JADE2: variants seen among roughly 807,000 people sequenced by gnomAD.
JADE2 encodes the protein E3 ubiquitin-protein ligase Jade-2.
JADE2 carries 13 observed loss-of-function variants against 85.7 expected under a neutral mutation model. The ratio of observed to expected loss-of-function variants is 0.15; its 90% CI spans 0.10 to 0.24. JADE2 has a LOEUF of 0.24. Among genes scored for constraint, JADE2 ranks in the 10% least tolerant of loss-of-function variants. JADE2 has a pLI of 1.00. For synonymous variants in JADE2, 440 were observed against 456.1 expected (o/e 0.96, Z 0.45); for missense variants, 846 against 1,115.9 (o/e 0.76, Z 3.45).
intron 1 of JADE2, chr5:134,526,801 C>A (rs1180084634): frequency 2.1e-6 from 2 of 974,898 alleles, no homozygotes; most frequent in East Asian, 1.1e-4. Flanking sequence ...GGGGTGAGGA[C>A]TGGGGTCGGG....
intron 4 of JADE2, among the ~76,000 whole-genome samples, chr5:134,557,402 TAA>T (rs57749050): frequency 0.14 from 19,623 of 141,154 alleles, 1,696 homozygotes; most frequent in African/African-American, 0.21. Context: ...AATTATACTC[TAA>T]GTTTTAGGGT....
chr5:134,536,641 G>A (rs1040759860), intron 2 of JADE2: 4 of 152,246 alleles, frequency 2.6e-5, no homozygotes, highest in African/African-American at 7.2e-5. Context: ...GCTCTTCTCG[G>A]GTGCCCAGAA....
At chr5:134,575,851 C>T (rs1185632005) in intron 10 of JADE2, 2 of 152,030 alleles carry the variant, frequency 1.3e-5, no homozygotes, top group African/African-American at 4.8e-5. Context: ...TATGATTACA[C>T]CACTGTACTC....
At chr5:134,553,456 C>T (rs184943839) in intron 4 of JADE2, among the ~76,000 whole-genome samples, 1 of 151,402 alleles carries the variant, frequency 6.6e-6, no homozygotes, top group South Asian at 2.1e-4. Context: ...CGGGTTCATG[C>T]GATTCTCCTG....
chr5:134,533,729 A>ACT (rs1581394356), intron 1 of JADE2: 3 of 146,220 alleles, frequency 2.1e-5, no homozygotes, highest in African/African-American at 6.1e-5. Flanking sequence ...CCTTTGTCAC[A>ACT]CTCTCTCTTT....
chr5:134,556,848 A>G (rs914925465), intron 4 of JADE2, among the ~76,000 whole-genome samples: 3 of 146,098 alleles, frequency 2.1e-5, no homozygotes, highest in Non-Finnish European at 4.5e-5. Flanking sequence ...CACACAGCAC[A>G]TACACGCACA....
intron 3 of JADE2, among the ~76,000 whole-genome samples, chr5:134,543,945 A>AT (rs1445471240): frequency 6.6e-6 from 1 of 152,110 alleles, no homozygotes; most frequent in African/African-American, 2.4e-5. Context: ...GAATTAACAA[A>AT]TTTTTGCCCC....
chr5:134,533,481 C>T (rs1436912096), intron 1 of JADE2: 5 of 950,004 alleles, frequency 5.3e-6, no homozygotes, highest in Admixed American at 6.2e-5. Flanking sequence ...GATTTGAACC[C>T]ATCAACAACT....
intron 4 of JADE2, among the ~76,000 whole-genome samples, chr5:134,552,588 G>A (rs1422167415): frequency 6.6e-6 from 1 of 152,220 alleles, no homozygotes; most frequent in African/African-American, 2.4e-5. Context: ...AATGACGCAT[G>A]GAAGGCACTT....
intron 9 of JADE2, among the ~76,000 whole-genome samples, chr5:134,568,475 G>A (rs561074915): frequency 1.8e-3 from 269 of 152,296 alleles, no homozygotes; most frequent in Middle Eastern, 6.8e-3. Flanking sequence ...CTGGGGTTCC[G>A]GGGAATGAGA....
Position 134,578,537 on chromosome 5 carries a change from C to G in JADE2, c.1725C>G (p.Asn575Lys). The change falls in exon 12 of 12, where the codon AAC becomes AAG. Residue 575 changes from asparagine (N) to lysine (K), a missense_variant. By Grantham distance (94) the Asn-to-Lys change is moderately conservative. Coordinates refer to ENST00000681547, the MANE Select transcript of JADE2 (RefSeq NM_001388185.1). This position sits in a 1 kb window ranked among gnomAD's most constrained non-coding sequence, Gnocchi z 4.4. The stretch of plus-strand genomic sequence containing the variant: ...TCCCCATCGATGGCACCTTCTTCAA[C>G]AGCTGGCTGGCACAGTCGGTGCAGA... ...TSFPIDGTFF[N>K]SWLAQSVQIT... 6.2e-7 allele frequency: 1 copy of G among 1,602,632 alleles called. No homozygotes were observed. The highest frequency in any genetic ancestry group is 8.5e-7 in the Non-Finnish European group (1 of 1,171,222).
In JADE2 at chr5:134,566,347, G is replaced by A; in HGVS notation, c.1201G>A (p.Glu401Lys). 6.2e-7 allele frequency: 1 copy of A among 1,614,068 alleles called. No individual in the cohort carries two copies. ...TLRKQRLQQL[E>K]EDFYELVEPA... ...GCGCAAGCAGCGGCTGCAGCAGCTA[G>A]AGGAGGACTTCTACGAGCTGGTGGA... The change falls in exon 9 of 12, where the codon GAG (glutamate) becomes AAG (lysine). Residue 401 changes from glutamate (E) to lysine (K), a missense_variant. By Grantham distance (56) the Glu-to-Lys change is moderately conservative (BLOSUM62 1). Transcript: ENST00000681547. The surrounding 1 kb of genome is among the most constrained non-coding windows in gnomAD (Gnocchi z 6.7).
intron 7 of JADE2, chr5:134,564,240 C>G (rs921501858): frequency 3.7e-5 from 13 of 353,452 alleles, no homozygotes; most frequent in Non-Finnish European, 6.8e-5. Flanking sequence ...CTCACACATT[C>G]ACAGACAATT....
At chr5:134,541,090 C>T (rs187129260) in intron 3 of JADE2, among the ~76,000 whole-genome samples, 12 of 152,306 alleles carry the variant, frequency 7.9e-5, no homozygotes, top group East Asian at 1.9e-4. Flanking sequence ...CAGGAGCCTC[C>T]GCAGGCTCTG....
chr5:134,526,810 G>T, intron 1 of JADE2: 1 of 960,594 alleles, frequency 1.0e-6, no homozygotes, highest in Non-Finnish European at 1.2e-6. Flanking sequence ...ACTGGGGTCG[G>T]GGGCAGCCTC....
chr5:134,564,401 C>A, intron 7 of JADE2, 93 bp from the exon 8 acceptor site: 1 of 748,162 alleles, frequency 1.3e-6, no homozygotes, highest in Admixed American at 3.1e-5. Context: ...GTCTGCCCAC[C>A]ACCTAGTTTC....
chr5:134,566,631 C>T lies in JADE2; in HGVS notation c.1434+51C>T. On this transcript the variant is annotated intron_variant, in intron 9 of 11. Transcript: ENST00000681547. This position sits in a 1 kb window ranked among gnomAD's most constrained non-coding sequence, Gnocchi z 6.7. ...CCCCTGCCTGGTGGGTCCAGGAGTC[C>T]TTTCCATGCCACACTCACTGCCCTG... 7.6e-7 allele frequency: 1 copy of T among 1,320,172 alleles called. No individual in the cohort carries two copies. Among genetic ancestry groups the T allele is most frequent in the Non-Finnish European group, 1.0e-6 (1 of 965,872 alleles). 81.8% of individuals were successfully genotyped at this position (1,320,172 alleles called of 1,614,324 possible). A position where few individuals can be genotyped will look rare whatever the true frequency, so the allele number is the denominator to read the frequency against.
intron 11 of JADE2, among the ~76,000 whole-genome samples, chr5:134,577,368 C>G (rs1764441929): frequency 1.3e-5 from 2 of 152,344 alleles, no homozygotes; most frequent in African/African-American, 2.4e-5. Context: ...CCACCACCTC[C>G]ACTGTCCCAG....
rs747983672 is a variant in JADE2, at chr5:134,579,032, T to C, written c.2220T>C (p.Pro740=). ...CTGCTGACTCAGATGTCCAAGTGCC[T>C]GGCCCTGCAGCAAGCCCTAAGCCTT... ...SVAADSDVQV[P]GPAASPKPLG... The change falls in exon 12 of 12, where the codon CCT becomes CCC. Residue 740 remains proline (P), a synonymous_variant. Transcript: ENST00000681547. The surrounding 1 kb of genome is among the most constrained non-coding windows in gnomAD (Gnocchi z 4.6). 6.2e-7 allele frequency: 1 copy of C among 1,613,922 alleles called. No individual in the cohort carries two copies. Among genetic ancestry groups the C allele is most frequent in the Non-Finnish European group, 8.5e-7 (1 of 1,180,012 alleles).
Sources: gnomAD v4.1 joint callset for allele counts (sites outside exome capture counted in the v4.1 genomes callset) on GRCh38, gnomAD v4.1.1 for gene constraint, Gnocchi (gnomAD v3.1) non-coding constraint, MANE v1.5 for transcripts, NCBI Gene and HGNC (gene_info 2026-07-23, HGNC 2026-07-21) for gene names.